The following SORCS1 variants were observed in gnomAD, a reference collection of about 807,000 sequenced individuals.
The protein encoded by SORCS1 is sortilin related VPS10 domain containing receptor 1.
A neutral mutation model predicts 146.1 loss-of-function variants in SORCS1; 60 were observed. That is an observed-to-expected ratio of 0.41 (90% confidence interval 0.33 to 0.51). SORCS1 has a LOEUF of 0.51. SORCS1 is among the 20% of genes least tolerant of loss of function. The pLI is 0.21. For missense variants in SORCS1, 1,352 were observed against 1,487.6 expected, an observed-to-expected ratio of 0.91 and a Z score of 1.50; for synonymous variants, 637 against 584.0, an observed-to-expected ratio of 1.09 and a Z score of -1.31.
intron 1 of SORCS1, among the ~76,000 whole-genome samples, chr10:106,992,236 A>G (rs950039526): frequency 6.6e-6 from 1 of 152,162 alleles, no homozygotes; most frequent in African/African-American, 2.4e-5. Context: ...TGACTTCCGT[A>G]TATTCGTCCC....
At chr10:106,646,770 T>C (rs1849468418) in intron 18 of SORCS1, among the ~76,000 whole-genome samples, 1 of 152,008 alleles carries the variant, frequency 6.6e-6, no homozygotes, top group Non-Finnish European at 1.5e-5. Flanking sequence ...TATGTTTGTA[T>C]ATTATGTGAG....
intron 18 of SORCS1, among the ~76,000 whole-genome samples, chr10:106,640,344 G>A (rs778507705): frequency 1.3e-5 from 2 of 152,154 alleles, no homozygotes; most frequent in Non-Finnish European, 2.9e-5. Context: ...ATGTTTTGGA[G>A]TTAAATCTCA....
chr10:106,674,460 T>C (rs1851875073), intron 14 of SORCS1, among the ~76,000 whole-genome samples: 1 of 151,884 alleles, frequency 6.6e-6, no homozygotes. Context: ...CCCTTTCTAC[T>C]TTCCATGTCC....
At chr10:106,887,273 G>T (rs555561716) in intron 2 of SORCS1, among the ~76,000 whole-genome samples, 2 of 152,228 alleles carry the variant, frequency 1.3e-5, no homozygotes, top group Non-Finnish European at 2.9e-5. Flanking sequence ...ATATGTTAAT[G>T]AATATTATTT....
chr10:107,164,039 G>C lies in SORCS1; in HGVS notation c.488C>G (p.Thr163Ser). ...FRMEELRLTSTTFALTGDSAH... is the reference protein window; with the variant it reads ...FRMEELRLTSSTFALTGDSAH... ...TGAGTCTCCCGTCAGCGCAAACGTG[G>C]TGCTGGTCAGTCTCAGCTCCTCCAT... Residue 163 changes from threonine to serine, a missense_variant, in exon 1 of 26, where the codon ACC becomes AGC. Thr to Ser is a moderately conservative substitution (Grantham distance 58). Coordinates refer to ENST00000263054, the MANE Select transcript of SORCS1 (RefSeq NM_052918.5). The surrounding 1 kb of genome is among the most constrained non-coding windows in gnomAD (Gnocchi z 6.8). 6.2e-7 allele frequency: 1 copy of C among 1,614,106 alleles called. No homozygotes were observed. Among genetic ancestry groups the C allele is most frequent in the South Asian group, 1.1e-5 (1 of 91,082 alleles).
intron 5 of SORCS1, among the ~76,000 whole-genome samples, chr10:106,746,147 A>G (rs1020804735): frequency 6.6e-6 from 1 of 152,140 alleles, no homozygotes; most frequent in African/African-American, 2.4e-5. Context: ...ACCCTGGGTC[A>G]GGAAAAAAAA....
intron 23 of SORCS1, 75 bp from the exon 24 acceptor site, chr10:106,597,525 C>T (rs1845977723): frequency 3.6e-6 from 4 of 1,122,028 alleles, no homozygotes; most frequent in Middle Eastern, 2.1e-4. Context: ...GAAATATTTA[C>T]TATTTTCACC....
chr10:106,650,012 CATT>C (rs1402572208), intron 18 of SORCS1, among the ~76,000 whole-genome samples: 1 of 152,074 alleles, frequency 6.6e-6, no homozygotes, highest in Non-Finnish European at 1.5e-5. Flanking sequence ...ACATAATAAT[CATT>C]GTTGTTTTAC....
chr10:106,975,322 G>A (rs899106094), intron 1 of SORCS1, among the ~76,000 whole-genome samples: 6 of 152,218 alleles, frequency 3.9e-5, no homozygotes, highest in African/African-American at 1.2e-4. Context: ...GAATGAAGGT[G>A]ACAGGCACTG....
intron 1 of SORCS1, among the ~76,000 whole-genome samples, chr10:107,093,393 G>A (rs373675632): frequency 5.3e-5 from 8 of 152,228 alleles, no homozygotes; most frequent in Non-Finnish European, 1.2e-4. Context: ...CGAGTCTTTC[G>A]GCCAGGCGTG....
intron 3 of SORCS1, among the ~76,000 whole-genome samples, chr10:106,822,782 GTTTTT>G (rs1158921880): frequency 8.8e-6 from 1 of 113,166 alleles, no homozygotes; most frequent in African/African-American, 3.8e-5. Context: ...TTCATGTGTG[GTTTTT>G]TTTTTTTTTT....
Position 106,574,073 on chromosome 10 carries a change from T to A in SORCS1, c.*3347A>T, listed in dbSNP as rs1377294583. The stretch of plus-strand genomic sequence containing the variant: ...CTTTTTTTTTTTTTAATTGGCTTCC[T>A]ATAAAAATAAGTCGGCAAATGAGAG... On this transcript the variant is annotated 3_prime_UTR_variant, in exon 26 of 26. Transcript: ENST00000263054. The A allele has an allele frequency of 6.6e-6, 1 of 151,998 alleles. No homozygotes were observed. Among genetic ancestry groups the A allele is most frequent in the African/African-American group, 2.4e-5 (1 of 41,198 alleles). 9.4% of individuals were successfully genotyped at this position (151,998 alleles called of 1,614,324 possible).
At chr10:106,796,861 G>A (rs998727224) in intron 3 of SORCS1, among the ~76,000 whole-genome samples, 1 of 152,240 alleles carries the variant, frequency 6.6e-6, no homozygotes, top group Admixed American at 6.5e-5. Context: ...TGTAATCCCA[G>A]CACTTTGGGA....
chr10:106,691,484 AATATC>A lies in SORCS1; in HGVS notation c.1414-3151_1414-3147del, dbSNP rs1464809780. Among the ~76,000 whole-genome samples the A allele has an allele frequency of 3.3e-5, 5 of 152,356 alleles. No individual in the cohort carries two copies. In the South Asian group the frequency reaches 1.0e-3, roughly 32 times the overall value. ...AATTAATAGTTATTTCTTATTATTT[AATATC>A]ATATAAGTCAAGATATCATTTTAAT... On this transcript the variant is annotated intron_variant, in intron 9 of 25. Coordinates refer to ENST00000263054, the MANE Select transcript of SORCS1 (RefSeq NM_052918.5).
chr10:106,757,341 C>T (rs907751957), intron 5 of SORCS1, among the ~76,000 whole-genome samples: 108 of 152,184 alleles, frequency 7.1e-4, no homozygotes, highest in African/African-American at 2.5e-3. Flanking sequence ...CTCCCTCAGT[C>T]CCATACACAC....
chr10:107,024,200 G>C (rs1034184880), intron 1 of SORCS1, among the ~76,000 whole-genome samples: 24 of 150,562 alleles, frequency 1.6e-4, no homozygotes, highest in Non-Finnish European at 2.1e-4. Context: ...AAAAGAAGAA[G>C]AGAGGTTTAT....
intron 1 of SORCS1, among the ~76,000 whole-genome samples, chr10:107,063,201 CAA>C (rs1961404217): frequency 6.6e-6 from 1 of 152,148 alleles, no homozygotes; most frequent in Non-Finnish European, 1.5e-5. Context: ...GGAAAAGCAT[CAA>C]CATGCAAGGA....
At chr10:106,598,236 A>ATAT (rs10579142) in intron 23 of SORCS1, among the ~76,000 whole-genome samples, 34,362 of 140,264 alleles carry the variant, frequency 0.24, 4,200 homozygotes, top group African/African-American at 0.27. Flanking sequence ...CACTCCTATT[A>ATAT]TATTATTATT....
chr10:106,767,392 C>T (rs917947554), intron 4 of SORCS1, among the ~76,000 whole-genome samples: 10 of 151,930 alleles, frequency 6.6e-5, no homozygotes, highest in Non-Finnish European at 1.2e-4. Context: ...TGACTGTGGG[C>T]GAGTTTGATT....
Sources: gnomAD v4.1 joint callset for allele counts (sites outside exome capture counted in the v4.1 genomes callset) on GRCh38, gnomAD v4.1.1 for gene constraint, Gnocchi (gnomAD v3.1) non-coding constraint, MANE v1.5 for transcripts, NCBI Gene and HGNC (gene_info 2026-07-23, HGNC 2026-07-21) for gene names.